OTUD7B: variants seen among roughly 807,000 people sequenced by gnomAD.
OTUD7B encodes the protein OTU deubiquitinase 7B, also known as OTU domain-containing protein 7B.
In OTUD7B, 34 loss-of-function variants were observed where a neutral mutation model predicts 82.2. The ratio of observed to expected loss-of-function variants is 0.41; its 90% CI spans 0.31 to 0.55. The LOEUF is 0.55. OTUD7B is among the 20% of genes least tolerant of loss of function. The probability of loss-of-function intolerance (pLI) is 0.20; values close to 1 mark genes in which losing one functional copy is unlikely to be tolerated. For missense variants in OTUD7B, 944 were observed against 1,062.1 expected (o/e 0.89, Z 1.55); for synonymous variants, 398 against 402.7 (o/e 0.99, Z 0.14).
chr1:149,969,985 A>G (rs1649803177), intron 3 of OTUD7B, among the ~76,000 whole-genome samples: 1 of 150,410 alleles, frequency 6.6e-6, no homozygotes, highest in Non-Finnish European at 1.5e-5. Flanking sequence ...TACAGGTGTG[A>G]GCCATCATGC....
chr1:149,985,944 T>C (rs1486300528), intron 1 of OTUD7B, among the ~76,000 whole-genome samples: 2 of 151,880 alleles, frequency 1.3e-5, no homozygotes, highest in African/African-American at 4.8e-5. Context: ...GCAGGTGAAT[T>C]CTCACCTCTT....
At position 149,964,202 on chromosome 1, in the gene OTUD7B, T is replaced by A; in HGVS notation, c.732+20A>T. 6.2e-7 allele frequency: 1 copy of A among 1,608,686 alleles called. No individual in the cohort carries two copies. The highest frequency in any genetic ancestry group is 8.5e-7 in the Non-Finnish European group (1 of 1,179,724). ...TTGGTAACTTTAGGAAACAAGGCGC[T>A]CCCACCCACGCTCTCCCACCTCTTT... On this transcript the variant is annotated intron_variant, in intron 6 of 11. Coordinates refer to ENST00000581312, the MANE Select transcript of OTUD7B (RefSeq NM_020205.4).
chr1:150,048,037 T>C, the OTUD7B span: 3 of 152,108 alleles, frequency 2.0e-5, no homozygotes, highest in African/African-American at 7.2e-5. Context: ...ACTACACAAT[T>C]ATTCTCTTTA....
At chr1:150,008,041 C>G (rs1189169597) in intron 1 of OTUD7B, among the ~76,000 whole-genome samples, 1 of 152,194 alleles carries the variant, frequency 6.6e-6, no homozygotes, top group Non-Finnish European at 1.5e-5. Flanking sequence ...ACAAGTGGCA[C>G]TTAGTGCCCT....
chr1:149,957,277 C>T (rs1364371975), intron 7 of OTUD7B, among the ~76,000 whole-genome samples: 1 of 151,704 alleles, frequency 6.6e-6, no homozygotes, highest in African/African-American at 2.4e-5. Context: ...AGCTGCAGGT[C>T]TGTTGGAGTT....
intron 1 of OTUD7B, among the ~76,000 whole-genome samples, chr1:149,984,821 T>C (rs1211442565): frequency 6.6e-6 from 1 of 152,216 alleles, no homozygotes; most frequent in Non-Finnish European, 1.5e-5. Context: ...GACTTCTCTC[T>C]TGCCTTATCC....
chr1:150,019,167 T>C, the OTUD7B span, among the ~76,000 whole-genome samples: 3 of 152,162 alleles, frequency 2.0e-5, no homozygotes, highest in Non-Finnish European at 4.4e-5. Flanking sequence ...AATCATTATA[T>C]CTATTCCTTT....
At chr1:149,969,497 G>A (rs191654882) in intron 3 of OTUD7B, among the ~76,000 whole-genome samples, 84 of 152,104 alleles carry the variant, frequency 5.5e-4, no homozygotes, top group Middle Eastern at 3.4e-3. Flanking sequence ...GGTTTTGGCC[G>A]GGCACGATGG....
chr1:149,982,637 G>A (rs1553779975), intron 1 of OTUD7B, among the ~76,000 whole-genome samples: 2 of 151,720 alleles, frequency 1.3e-5, no homozygotes, highest in East Asian at 1.9e-4. Flanking sequence ...CCATCTTCCT[G>A]AGCAATTTCA....
chr1:149,956,883 A>T (rs1648723413), intron 7 of OTUD7B, among the ~76,000 whole-genome samples: 1 of 152,164 alleles, frequency 6.6e-6, no homozygotes, highest in Non-Finnish European at 1.5e-5. Flanking sequence ...TTTCAGCTCC[A>T]TCAGGTCGTT....
At position 149,944,908 on chromosome 1, in the gene OTUD7B, T is replaced by C. The variant is rs1553771709; in HGVS notation, c.1481A>G (p.Lys494Arg). 6.2e-7 allele frequency: 1 copy of C among 1,614,176 alleles called. No individual in the cohort carries two copies. Among genetic ancestry groups the C allele is most frequent in the Admixed American group, 1.7e-5 (1 of 60,012 alleles). ...RKEKSKRDRE[K>R]DKKRADSVAN... ...CACAGAATCTGCTCTCTTCTTGTCC[T>C]TCTCCCGATCTCGCTTTGACTTCTC... Residue 494 changes from lysine (K) to arginine (R), a missense_variant, in exon 12 of 12, where the codon AAG (lysine) becomes AGG (arginine). Coordinates refer to ENST00000581312, the MANE Select transcript of OTUD7B (RefSeq NM_020205.4).
At chr1:150,058,407 G>A in the OTUD7B span, among the ~76,000 whole-genome samples, 1 of 152,186 alleles carries the variant, frequency 6.6e-6, no homozygotes, top group Admixed American at 6.5e-5. Flanking sequence ...TACTCAGGAG[G>A]CTGAGGGAGG....
At position 149,948,950 on chromosome 1, in the gene OTUD7B, A is replaced by T; in HGVS notation, c.1238+19T>A. 6.7e-7 allele frequency: 1 copy of T among 1,495,620 alleles called. No homozygotes were observed. Among genetic ancestry groups the T allele is most frequent in the Non-Finnish European group, 9.3e-7 (1 of 1,072,306 alleles). 92.6% of individuals were successfully genotyped at this position (1,495,620 alleles called of 1,614,324 possible). Reference sequence around the variant, plus strand: ...GAAATCCCAGCACAAAATAGATGAAAAGACTAGGCCTGGCTTACCTGGCCA... The same window carrying T: ...GAAATCCCAGCACAAAATAGATGAATAGACTAGGCCTGGCTTACCTGGCCA... On this transcript the variant is annotated intron_variant, in intron 10 of 11. Coordinates refer to ENST00000581312, the MANE Select transcript of OTUD7B (RefSeq NM_020205.4).
chr1:150,051,916 G>C, the OTUD7B span, among the ~76,000 whole-genome samples: 2 of 152,152 alleles, frequency 1.3e-5, no homozygotes, highest in East Asian at 3.8e-4. Flanking sequence ...TTAAATGCTT[G>C]ACAGATCAGG....
rs1394396756 is a variant in OTUD7B, at chr1:149,945,145, CATCT to C, written c.1324-84_1324-81del. ...ATCCCCCAGGGACCTCTAGCCCATCCATCTGGCTCAGGGAGCTCCCTGCAGCCAT... is the reference window on the plus strand; with the variant it reads ...ATCCCCCAGGGACCTCTAGCCCATCCGGCTCAGGGAGCTCCCTGCAGCCAT... On this transcript the variant is annotated intron_variant, in intron 11 of 11. Transcript: ENST00000581312. 3 of 1,515,794 alleles carry C rather than the reference CATCT, an allele frequency of 2.0e-6. No individual in the cohort carries two copies. The East Asian group carries it at 6.8e-5, about 35-fold the overall frequency. The allele number at this position is 1,515,794 out of a possible 1,614,324, so 93.9% of individuals were successfully genotyped here. A position where few individuals can be genotyped will look rare whatever the true frequency, so the allele number is the denominator to read the frequency against.
chr1:150,024,538 T>C, the OTUD7B span, among the ~76,000 whole-genome samples: 1 of 152,200 alleles, frequency 6.6e-6, no homozygotes, highest in Non-Finnish European at 1.5e-5. Flanking sequence ...CTGGAGAAAT[T>C]AATATTTTAG....
chr1:150,033,945 C>A, the OTUD7B span, among the ~76,000 whole-genome samples: 1 of 152,154 alleles, frequency 6.6e-6, no homozygotes, highest in African/African-American at 2.4e-5. Flanking sequence ...TGGACTCAAT[C>A]TCTTGACCTT....
intron 2 of OTUD7B, 28 bp from the exon 3 acceptor site, chr1:149,971,279 CTG>C (rs1649909140): frequency 1.3e-6 from 2 of 1,559,288 alleles, no homozygotes; most frequent in Non-Finnish European, 1.8e-6. Flanking sequence ...AAAAAGCAAA[CTG>C]TGCAACCATA....
At chr1:150,012,147 C>T (rs587742713), upstream of OTUD7B, among the ~76,000 whole-genome samples, 11 of 152,220 alleles carry the variant, frequency 7.2e-5, no homozygotes, top group Middle Eastern at 3.4e-3. Context: ...TTTTAGCTAC[C>T]GTTTAGTGGT....
Sources: allele counts gnomAD v4.1 joint callset (sites outside exome capture counted in the v4.1 genomes callset), GRCh38; gene constraint gnomAD v4.1.1; transcripts MANE v1.5; gene names NCBI Gene and HGNC (gene_info 2026-07-23, HGNC 2026-07-21).